The following RBM47 variants were observed in gnomAD, a reference collection of about 807,000 sequenced individuals.
RBM47 encodes the protein RNA-binding protein 47.
A neutral mutation model predicts 47.1 loss-of-function variants in RBM47; 21 were observed. The ratio of observed to expected loss-of-function variants is 0.45; its 90% CI spans 0.32 to 0.64. RBM47 has a LOEUF of 0.64. Ranked by LOEUF, RBM47 falls within the 30% of genes least tolerant of loss-of-function variation. RBM47 has a pLI of 0.05. For synonymous variants in RBM47, 375 were observed against 361.7 expected, an observed-to-expected ratio of 1.04 and a Z score of -0.42; for missense variants, 708 against 870.9, an observed-to-expected ratio of 0.81 and a Z score of 2.35.
chr4:40,426,062 C>G lies in RBM47; in HGVS notation c.1624G>C (p.Val542Leu), dbSNP rs200229582. 4 of 1,614,096 alleles carry G rather than the reference C, an allele frequency of 2.5e-6. No individual in the cohort carries two copies. The African/African-American group carries it at 4.0e-5, about 16-fold the overall frequency. Residue 542 changes from valine (V) to leucine (L), a missense_variant, in exon 7 of 7, where the codon GTG becomes CTG. Coordinates refer to ENST00000295971, the MANE Select transcript of RBM47 (RefSeq NM_001098634.2). ...PTAGIYGASY[V>L]PFAAPATATI... ...GCTGTAGCTGGAGCAGCAAATGGCACGTAACTGGCCCCGTAGATCCCGGCA... is the reference window on the plus strand; with the variant it reads ...GCTGTAGCTGGAGCAGCAAATGGCAGGTAACTGGCCCCGTAGATCCCGGCA...
intron 1 of RBM47, among the ~76,000 whole-genome samples, chr4:40,598,601 A>G (rs1316671153): frequency 6.6e-6 from 1 of 152,164 alleles, no homozygotes; most frequent in African/African-American, 2.4e-5. Context: ...AAGAAGAGAC[A>G]AATAAATAAA....
chr4:40,448,925 G>A (rs777042109), intron 3 of RBM47, among the ~76,000 whole-genome samples: 3 of 152,140 alleles, frequency 2.0e-5, no homozygotes, highest in Non-Finnish European at 2.9e-5. Flanking sequence ...GGTGAAGGAG[G>A]GGGTGGGGTA....
intron 2 of RBM47, among the ~76,000 whole-genome samples, chr4:40,517,444 C>A (rs1179081505): frequency 6.6e-6 from 1 of 152,078 alleles, no homozygotes; most frequent in African/African-American, 2.4e-5. Context: ...ACCCTCAACT[C>A]CTTTCTAGAT....
chr4:40,589,028 C>T (rs1733872938), intron 1 of RBM47, among the ~76,000 whole-genome samples: 1 of 115,984 alleles, frequency 8.6e-6, no homozygotes, highest in Non-Finnish European at 1.6e-5. Context: ...TGAGACAGTG[C>T]AGTGGCGTGA....
chr4:40,494,136 T>C (rs1407259336), intron 2 of RBM47, among the ~76,000 whole-genome samples: 1 of 152,138 alleles, frequency 6.6e-6, no homozygotes, highest in African/African-American at 2.4e-5. Flanking sequence ...AGACACAAAA[T>C]TGAACTTACA....
Position 40,426,048 on chromosome 4 carries a change from A to G in RBM47, c.1638T>C (p.Ala546=), listed in dbSNP as rs763065032. Residue 546 remains alanine, a synonymous_variant, in exon 7 of 7, where the codon GCT becomes GCC. Coordinates refer to ENST00000295971, the MANE Select transcript of RBM47 (RefSeq NM_001098634.2). ...IYGASYVPFA[A]PATATIATLQ... Reference sequence around the variant, plus strand: ...GTGTGGCGATCGTGGCTGTAGCTGGAGCAGCAAATGGCACGTAACTGGCCC... The same window carrying G: ...GTGTGGCGATCGTGGCTGTAGCTGGGGCAGCAAATGGCACGTAACTGGCCC... The G allele has an allele frequency of 2.5e-6, 4 of 1,614,172 alleles. No individual in the cohort carries two copies. The highest frequency in any genetic ancestry group is 3.4e-6 in the Non-Finnish European group (4 of 1,180,038).
intron 2 of RBM47, among the ~76,000 whole-genome samples, chr4:40,530,465 G>A (rs969549200): frequency 1.3e-5 from 2 of 151,826 alleles, no homozygotes; most frequent in Non-Finnish European, 2.9e-5. Context: ...ATCGCACCCA[G>A]CTAATTTTTA....
At chr4:40,458,928 T>A (rs1041023614) in intron 3 of RBM47, among the ~76,000 whole-genome samples, 3 of 152,204 alleles carry the variant, frequency 2.0e-5, no homozygotes, top group African/African-American at 7.2e-5. Flanking sequence ...TTCATTGATA[T>A]GAGTAGGAAC....
intron 3 of RBM47, among the ~76,000 whole-genome samples, chr4:40,450,089 C>T (rs964333617): frequency 2.0e-5 from 3 of 152,104 alleles, no homozygotes; most frequent in Admixed American, 6.6e-5. Context: ...ATATGCCTCC[C>T]GGGCCAACGT....
intron 1 of RBM47, among the ~76,000 whole-genome samples, chr4:40,569,567 A>G (rs979390932): frequency 2.1e-4 from 30 of 143,462 alleles, no homozygotes; most frequent in South Asian, 4.6e-4. Flanking sequence ...CCACCACCAC[A>G]CCCGGCTAAT....
intron 2 of RBM47, among the ~76,000 whole-genome samples, chr4:40,529,249 G>A (rs1023689921): frequency 6.6e-6 from 1 of 152,062 alleles, no homozygotes; most frequent in Non-Finnish European, 1.5e-5. Context: ...GCTCACGCCT[G>A]TAATCCCAAC....
At chr4:40,481,346 C>A (rs1478336920) in intron 2 of RBM47, among the ~76,000 whole-genome samples, 3 of 149,750 alleles carry the variant, frequency 2.0e-5, no homozygotes, top group Non-Finnish European at 4.4e-5. Flanking sequence ...GACCTTGGCT[C>A]ACTGTAACAT....
chr4:40,577,562 C>T (rs1380062762), intron 1 of RBM47, among the ~76,000 whole-genome samples: 1 of 151,718 alleles, frequency 6.6e-6, no homozygotes, highest in Admixed American at 6.6e-5. Flanking sequence ...AAGGATGTTC[C>T]TCTCTGCTAT....
chr4:40,498,435 G>A (rs569443341), intron 2 of RBM47, among the ~76,000 whole-genome samples: 7 of 152,016 alleles, frequency 4.6e-5, no homozygotes, highest in East Asian at 1.9e-4. Flanking sequence ...GGTGGCTCAC[G>A]CCTGTAATCC....
At chr4:40,466,791 C>T (rs1275549392) in intron 2 of RBM47, 92 bp from the exon 3 acceptor site, 4 of 132,402 alleles carry the variant, frequency 3.0e-5, no homozygotes, top group Non-Finnish European at 6.4e-5. Context: ...GGGGCAGATC[C>T]TCTTGCGTAG....
chr4:40,541,145 G>A (rs963068082), intron 2 of RBM47, among the ~76,000 whole-genome samples: 5 of 150,884 alleles, frequency 3.3e-5, no homozygotes, highest in African/African-American at 1.2e-4. Context: ...AAAATTAGCT[G>A]GGCCCAGCTA....
At chr4:40,475,175 C>T (rs1468730023) in intron 2 of RBM47, among the ~76,000 whole-genome samples, 1 of 152,120 alleles carries the variant, frequency 6.6e-6, no homozygotes, top group Non-Finnish European at 1.5e-5. Flanking sequence ...TCTTCTTATA[C>T]AAGAACTTTA....
chr4:40,603,177 T>C (rs1196155263), intron 1 of RBM47, among the ~76,000 whole-genome samples: 1 of 152,228 alleles, frequency 6.6e-6, no homozygotes, highest in Non-Finnish European at 1.5e-5. Flanking sequence ...TCATTTTGTC[T>C]GTTTTTGAAC....
intron 2 of RBM47, among the ~76,000 whole-genome samples, chr4:40,496,107 A>C (rs557682965): frequency 4.6e-5 from 7 of 152,174 alleles, no homozygotes; most frequent in Non-Finnish European, 1.0e-4. Flanking sequence ...AGGCAGAGAG[A>C]AGAAACAAGA....
Sources: allele counts gnomAD v4.1 joint callset (sites outside exome capture counted in the v4.1 genomes callset), GRCh38; gene constraint gnomAD v4.1.1; transcripts MANE v1.5; gene names NCBI Gene and HGNC (gene_info 2026-07-23, HGNC 2026-07-21).